Variants in ABCA12 observed in about 807,000 individuals in gnomAD.
ABCA12 encodes the protein ATP binding cassette subfamily A member 12.
ABCA12 carries 156 observed loss-of-function variants against 293.5 expected under a neutral mutation model. That is an observed-to-expected ratio of 0.53 (90% CI 0.47 to 0.61). ABCA12 has a LOEUF of 0.61. Among genes scored for constraint, ABCA12 ranks in the 20% least tolerant of loss-of-function variants. ABCA12 has a pLI of 0.00. For missense variants in ABCA12, 2,797 were observed against 3,090.2 expected (o/e 0.91, Z 2.25); for synonymous variants, 1,063 against 1,108.0 (o/e 0.96, Z 0.81).
At chr2:215,074,071 T>A (rs1474781717) in intron 2 of ABCA12, among the ~76,000 whole-genome samples, 1 of 152,190 alleles carries the variant, frequency 6.6e-6, no homozygotes, top group African/African-American at 2.4e-5. Flanking sequence ...CTTCTTTAAA[T>A]TTTTCTCCCT....
chr2:215,015,656 GA>G lies in ABCA12; in HGVS notation c.1789del (p.Ser597LeufsTer18). On this transcript the variant is annotated frameshift_variant, in exon 15 of 53. Coordinates refer to ENST00000272895, the MANE Select transcript of ABCA12 (RefSeq NM_173076.3). LOFTEE classifies it high-confidence loss of function. ...PIPDNRAEII[S>X]QVFWLHSCDT... The stretch of plus-strand genomic sequence containing the variant: ...ACAGGAATGCAGCCAGAACACCTGA[GA>G]AATAATCTGCAAATGGAGGAAGAAA... 1 of 1,613,918 alleles carries G rather than the reference GA, an allele frequency of 6.2e-7. No homozygotes were observed.
At chr2:215,063,369 G>A (rs566762676) in intron 3 of ABCA12, among the ~76,000 whole-genome samples, 3 of 152,022 alleles carry the variant, frequency 2.0e-5, no homozygotes, top group South Asian at 2.1e-4. Flanking sequence ...CAGAATTAGC[G>A]CATGGTTGAT....
chr2:215,034,406 T>C (rs1012097476), intron 8 of ABCA12, among the ~76,000 whole-genome samples: 1 of 152,070 alleles, frequency 6.6e-6, no homozygotes, highest in Non-Finnish European at 1.5e-5. Flanking sequence ...TGGGTAGAAA[T>C]CAGAGTGTGG....
intron 2 of ABCA12, among the ~76,000 whole-genome samples, chr2:215,107,191 T>G (rs1040529343): frequency 2.6e-5 from 4 of 152,178 alleles, no homozygotes; most frequent in African/African-American, 9.7e-5. Flanking sequence ...AGTTGTACAG[T>G]AATTAGGGGC....
chr2:214,995,714 A>G (rs1700018119), intron 23 of ABCA12, among the ~76,000 whole-genome samples: 1 of 152,186 alleles, frequency 6.6e-6, no homozygotes, highest in African/African-American at 2.4e-5. Flanking sequence ...AACACACTGT[A>G]TTTCTTTGAA....
At chr2:215,022,308 T>C (rs1428294110) in intron 11 of ABCA12, 5 of 152,152 alleles carry the variant, frequency 3.3e-5, no homozygotes, top group Admixed American at 1.3e-4. Flanking sequence ...GAAGAGGACA[T>C]TGGAAATCTA....
chr2:215,037,601 T>C (rs1480627648), intron 7 of ABCA12, among the ~76,000 whole-genome samples: 2 of 152,180 alleles, frequency 1.3e-5, no homozygotes, highest in African/African-American at 2.4e-5. Context: ...AAGTGGTCTA[T>C]AGGCACTATT....
At chr2:215,132,356 T>C (rs1338992918) in intron 1 of ABCA12, among the ~76,000 whole-genome samples, 1 of 152,114 alleles carries the variant, frequency 6.6e-6, no homozygotes, top group Admixed American at 6.6e-5. Flanking sequence ...ACCACTATTA[T>C]TGTATTGCTA....
At chr2:215,050,989 A>T (rs865893564) in intron 5 of ABCA12, among the ~76,000 whole-genome samples, 1 of 152,294 alleles carries the variant, frequency 6.6e-6, no homozygotes, top group Non-Finnish European at 1.5e-5. Flanking sequence ...CCCTGGATAT[A>T]TAGCTCTGTG....
intron 1 of ABCA12, among the ~76,000 whole-genome samples, chr2:215,116,715 A>G (rs1702694007): frequency 6.6e-6 from 1 of 152,232 alleles, no homozygotes; most frequent in Non-Finnish European, 1.5e-5. Flanking sequence ...AAAATGGGAC[A>G]AAATGTCATC....
chr2:215,046,445 G>GATTAA (rs1199278688), intron 6 of ABCA12, among the ~76,000 whole-genome samples: 3 of 147,698 alleles, frequency 2.0e-5, no homozygotes, highest in African/African-American at 7.4e-5. Context: ...ATATAGATTA[G>GATTAA]TAGAGATACG....
In ABCA12 at chr2:214,943,049, C is replaced by T. The variant is rs1698457660; in HGVS notation, c.7344-32G>A. On this transcript the variant is annotated intron_variant, in intron 49 of 52. Coordinates refer to ENST00000272895, the MANE Select transcript of ABCA12 (RefSeq NM_173076.3). ...GACAAAGCAGGATCATATTAGCATT[C>T]AGGATACAGAAAACTTGGGTTGAAG... 2.5e-6 allele frequency: 4 copies of T among 1,576,432 alleles called. No homozygotes were observed. The East Asian group carries it at 9.0e-5, about 35-fold the overall frequency.
chr2:215,055,198 C>A (rs945510222), intron 3 of ABCA12, among the ~76,000 whole-genome samples: 3 of 152,030 alleles, frequency 2.0e-5, no homozygotes, highest in African/African-American at 7.2e-5. Context: ...GATGTCATCA[C>A]AGATGGCACC....
chr2:215,097,443 C>G (rs1479603800), intron 2 of ABCA12, among the ~76,000 whole-genome samples: 1 of 151,982 alleles, frequency 6.6e-6, no homozygotes, highest in Non-Finnish European at 1.5e-5. Flanking sequence ...ATGTTTTTAC[C>G]TAAAAATCCT....
chr2:214,978,550 T>C, intron 32 of ABCA12, 84 bp from the exon 33 acceptor site: 1 of 1,509,094 alleles, frequency 6.6e-7, no homozygotes, highest in East Asian at 2.4e-5. Context: ...ATTTTGAACT[T>C]TTATCACATT....
chr2:215,092,308 A>T (rs1702164422), intron 2 of ABCA12, among the ~76,000 whole-genome samples: 1 of 151,696 alleles, frequency 6.6e-6, no homozygotes, highest in Non-Finnish European at 1.5e-5. Flanking sequence ...TCTCTTATGC[A>T]CTCCTTTTTA....
At position 214,953,885 on chromosome 2, in the gene ABCA12, A is replaced by T. The variant is rs771874946; in HGVS notation, c.6616T>A (p.Leu2206Ile). ...TTCTTTATCAGGGATTCGTTGATTA[A>T]GAGTCGCAAGGAAAAAAACATGGTG... ...QGTMFFSLRL[L>I]INESLIKKLR... Residue 2206 changes from leucine to isoleucine, a missense_variant, in exon 44 of 53, where the codon TTA becomes ATA. This residue lies in a region of ABCA12 where 2,130 missense variants were observed against 2,427.0 expected (regional missense o/e 0.88). Coordinates refer to ENST00000272895, the MANE Select transcript of ABCA12 (RefSeq NM_173076.3). The T allele has an allele frequency of 1.5e-5, 25 of 1,613,866 alleles. No homozygotes were observed. Among genetic ancestry groups the T allele is most frequent in the African/African-American group, 2.7e-5 (2 of 74,920 alleles).
At chr2:215,123,972 T>C (rs754060907) in intron 1 of ABCA12, among the ~76,000 whole-genome samples, 13 of 152,146 alleles carry the variant, frequency 8.5e-5, no homozygotes, top group Non-Finnish European at 1.9e-4. Flanking sequence ...TCTTATGCCT[T>C]TGTGTCCTCA....
chr2:214,945,721 G>A (rs140080020), intron 48 of ABCA12, among the ~76,000 whole-genome samples: 1 of 152,054 alleles, frequency 6.6e-6, no homozygotes, highest in Admixed American at 6.6e-5. Flanking sequence ...TACAATAACA[G>A]GTTTTGACAG....
Sources: gnomAD v4.1 joint callset for allele counts (sites outside exome capture counted in the v4.1 genomes callset) on GRCh38, gnomAD v4.1.1 for gene constraint, gnomAD v4.1.1 regional missense constraint, MANE v1.5 for transcripts, NCBI Gene and HGNC (gene_info 2026-07-23, HGNC 2026-07-21) for gene names.